BCAS3: variants seen among roughly 807,000 people sequenced by gnomAD.
BCAS3 encodes the protein BCAS3 microtubule associated cell migration factor, also known as BCAS4/BCAS3 fusion.
BCAS3 carries 53 observed loss-of-function variants against 116.1 expected under a neutral mutation model. That is an observed-to-expected ratio of 0.46 (90% CI 0.37 to 0.57). BCAS3 has a LOEUF of 0.57. Ranked by LOEUF, BCAS3 falls within the 20% of genes least tolerant of loss-of-function variation. The pLI, the probability that BCAS3 is intolerant of heterozygous loss-of-function variation, is 0.00. For missense variants in BCAS3, 917 were observed against 1,165.4 expected (o/e 0.79, Z 3.10); for synonymous variants, 391 against 408.2 (o/e 0.96, Z 0.51).
chr17:60,709,935 T>G lies in BCAS3; in HGVS notation c.321+610T>G, dbSNP rs575885326. 2.6e-5 allele frequency among the ~76,000 whole-genome samples: 4 copies of G among 152,344 alleles called. No individual in the cohort carries two copies. In the South Asian group the frequency reaches 8.3e-4, roughly 32 times the overall value. Reference sequence around the variant, plus strand: ...CATATTTTGGCTTATTTCACTTATATTTCATTATTTGGCATAATCTAAATA... The same window carrying G: ...CATATTTTGGCTTATTTCACTTATAGTTCATTATTTGGCATAATCTAAATA... On this transcript the variant is annotated intron_variant, in intron 5 of 23. Transcript: ENST00000407086.
rs143032614 is a variant in BCAS3, at chr17:61,291,174, C to T, written c.2426-77153C>T. ...TCAGCAAACATTTGATGAACAACTA[C>T]AGCCTACCAGGTACTTTGCTAGCTA... On this transcript the variant is annotated intron_variant, in intron 22 of 23. Transcript: ENST00000407086. Among the ~76,000 whole-genome samples the T allele has an allele frequency of 7.2e-5, 11 of 152,354 alleles. No homozygotes were observed. In the South Asian group the frequency reaches 1.2e-3, roughly 17 times the overall value.
chr17:61,345,603 G>A (rs1034615829), intron 22 of BCAS3, among the ~76,000 whole-genome samples: 2 of 152,186 alleles, frequency 1.3e-5, no homozygotes, highest in African/African-American at 2.4e-5. Context: ...CACAGCATGT[G>A]CGTTTTGTGT....
At chr17:60,815,198 A>G (rs2049261417) in intron 7 of BCAS3, among the ~76,000 whole-genome samples, 1 of 152,192 alleles carries the variant, frequency 6.6e-6, no homozygotes, top group Non-Finnish European at 1.5e-5. Flanking sequence ...GCAAGGACAA[A>G]AAACCAAACA....
chr17:61,342,388 C>T (rs2057224954), intron 22 of BCAS3, among the ~76,000 whole-genome samples: 1 of 152,200 alleles, frequency 6.6e-6, no homozygotes, highest in African/African-American at 2.4e-5. Flanking sequence ...TCAGGTGATC[C>T]ACCCACATCA....
rs1043031639 is a variant in BCAS3, at chr17:61,087,076, G to A, written c.2425+2512G>A. The A allele has an allele frequency of 4.9e-5, 48 of 984,812 alleles. No homozygotes were observed. Among genetic ancestry groups the A allele is most frequent in the Admixed American group, 2.5e-4 (4 of 16,266 alleles). The allele number at this position is 984,812 out of a possible 1,614,324, so 61.0% of individuals were successfully genotyped here. On this transcript the variant is annotated intron_variant, in intron 22 of 23. Transcript: ENST00000407086. This position sits in a 1 kb window ranked among gnomAD's most constrained non-coding sequence, Gnocchi z 4.6. ...GTTCTTTATGTAAACATATTTATGG[G>A]AAAATTTTGTTGTAGATTCTTCTGT...
At chr17:60,706,686 G>C (rs983564356) in intron 4 of BCAS3, among the ~76,000 whole-genome samples, 1 of 151,946 alleles carries the variant, frequency 6.6e-6, no homozygotes, top group South Asian at 2.1e-4. Context: ...TTAGCCAGGC[G>C]TGGTGGAGAC....
chr17:60,783,839 G>C (rs1397398185), intron 6 of BCAS3, among the ~76,000 whole-genome samples: 1 of 152,052 alleles, frequency 6.6e-6, no homozygotes, highest in Non-Finnish European at 1.5e-5. Context: ...TAATGCTACA[G>C]GTTTGATTTG....
chr17:60,844,166 C>T (rs1004562098), intron 7 of BCAS3, among the ~76,000 whole-genome samples: 1 of 152,096 alleles, frequency 6.6e-6, no homozygotes, highest in African/African-American at 2.4e-5. Context: ...GATGGGGTTT[C>T]TTCATGTTGC....
intron 4 of BCAS3, among the ~76,000 whole-genome samples, chr17:60,707,030 T>C (rs912069903): frequency 6.6e-6 from 1 of 151,906 alleles, no homozygotes; most frequent in Non-Finnish European, 1.5e-5. Context: ...TTGCTCTTGT[T>C]GCCCAGGCTG....
chr17:60,981,052 C>T (rs1490449592), intron 14 of BCAS3, among the ~76,000 whole-genome samples: 3 of 151,754 alleles, frequency 2.0e-5, no homozygotes, highest in African/African-American at 7.3e-5. Flanking sequence ...CACAGGCTGG[C>T]CTTGAACTCC....
intron 5 of BCAS3, among the ~76,000 whole-genome samples, chr17:60,735,227 G>T (rs2040841872): frequency 6.6e-6 from 1 of 151,906 alleles, no homozygotes; most frequent in South Asian, 2.1e-4. Flanking sequence ...TGAATCATTT[G>T]TATTTTATAC....
chr17:60,860,259 G>C (rs1275025378), intron 7 of BCAS3, among the ~76,000 whole-genome samples: 1 of 152,146 alleles, frequency 6.6e-6, no homozygotes, highest in African/African-American at 2.4e-5. Flanking sequence ...GTGATGTTGA[G>C]CATATTTTTC....
intron 22 of BCAS3, among the ~76,000 whole-genome samples, chr17:61,154,674 C>T (rs1330435331): frequency 6.6e-6 from 1 of 152,086 alleles, no homozygotes; most frequent in African/African-American, 2.4e-5. Flanking sequence ...AACTCCTGAG[C>T]TTAAGCGACC....
At chr17:61,335,272 G>T (rs79366471) in intron 22 of BCAS3, among the ~76,000 whole-genome samples, 1,925 of 152,274 alleles carry the variant, frequency 0.013, 46 homozygotes, top group African/African-American at 0.044. Context: ...TTTCCCCTCT[G>T]GCCTAACATG....
chr17:60,887,814 G>A (rs2056833152), intron 9 of BCAS3, among the ~76,000 whole-genome samples: 1 of 152,070 alleles, frequency 6.6e-6, no homozygotes, highest in African/African-American at 2.4e-5. Flanking sequence ...CACTTTCTGG[G>A]AGGATGCCAT....
chr17:61,369,823 T>A (rs1219851144), intron 23 of BCAS3, among the ~76,000 whole-genome samples: 1 of 152,228 alleles, frequency 6.6e-6, no homozygotes, highest in Non-Finnish European at 1.5e-5. Flanking sequence ...TGACTTCGCT[T>A]CCCCTGGAAG....
intron 22 of BCAS3, among the ~76,000 whole-genome samples, chr17:61,306,678 A>G (rs2053880195): frequency 6.6e-6 from 1 of 152,150 alleles, no homozygotes; most frequent in Non-Finnish European, 1.5e-5. Context: ...CGGGAGGCTG[A>G]GGCAGGAGGA....
intron 14 of BCAS3, among the ~76,000 whole-genome samples, chr17:60,979,990 T>A (rs2145393435): frequency 6.6e-6 from 1 of 152,226 alleles, no homozygotes; most frequent in East Asian, 1.9e-4. Context: ...GGCTTTGGTA[T>A]CAGGATGATG....
intron 22 of BCAS3, among the ~76,000 whole-genome samples, chr17:61,342,110 TCTC>T (rs1224205987): frequency 6.6e-6 from 1 of 151,982 alleles, no homozygotes; most frequent in African/African-American, 2.4e-5. Flanking sequence ...TTCAAGCAAT[TCTC>T]CTGCCTCAGC....
Sources: gnomAD v4.1 joint callset for allele counts (sites outside exome capture counted in the v4.1 genomes callset) on GRCh38, gnomAD v4.1.1 for gene constraint, Gnocchi (gnomAD v3.1) non-coding constraint, MANE v1.5 for transcripts, NCBI Gene and HGNC (gene_info 2026-07-23, HGNC 2026-07-21) for gene names.